FRMPD4: variants seen among roughly 807,000 people sequenced by gnomAD.
FRMPD4 encodes FERM and PDZ domain containing 4.
A neutral mutation model predicts 94.1 loss-of-function variants in FRMPD4; 22 were observed. The observed-to-expected ratio is 0.23, with a 90% CI of 0.17 to 0.33. The LOEUF is 0.33. Ranked by LOEUF, FRMPD4 falls within the 10% of genes least tolerant of loss-of-function variation. The probability of loss-of-function intolerance (pLI) is 1.00; values close to 1 mark genes in which losing one functional copy is unlikely to be tolerated. For missense variants in FRMPD4, 1,111 were observed against 1,339.9 expected, an observed-to-expected ratio of 0.83 and a Z score of 2.67; for synonymous variants, 631 against 548.6, an observed-to-expected ratio of 1.15 and a Z score of -2.10.
intron 1 of FRMPD4, among the ~76,000 whole-genome samples, chrX:12,438,331 G>A (rs1415531619): frequency 3.7e-5 from 4 of 109,195 alleles, no homozygotes; most frequent in Admixed American, 1.0e-4. Flanking sequence ...CTTGGGATTG[G>A]ATATAAAATT....
chrX:12,538,206 C>A (rs1406324668), intron 2 of FRMPD4, among the ~76,000 whole-genome samples: 1 of 111,524 alleles, frequency 9.0e-6, no homozygotes, highest in East Asian at 2.8e-4. Flanking sequence ...CAGAGGGTCC[C>A]ATGCCCACGG....
chrX:12,321,019 A>G (rs1212089299), intron 1 of FRMPD4, among the ~76,000 whole-genome samples: 1 of 112,302 alleles, frequency 8.9e-6, no homozygotes, highest in Non-Finnish European at 1.9e-5. Context: ...TTCTCTATAT[A>G]CTTTCTAAGG....
chrX:12,262,204 G>C (rs2147827983), intron 1 of FRMPD4, among the ~76,000 whole-genome samples: 1 of 111,988 alleles, frequency 8.9e-6, no homozygotes, highest in Admixed American at 9.4e-5. Context: ...CAGTGGCAGA[G>C]TCGAGTAGCT....
intron 1 of FRMPD4, among the ~76,000 whole-genome samples, chrX:12,265,911 G>A (rs1381509593): frequency 3.7e-5 from 4 of 109,078 alleles, no homozygotes; most frequent in Non-Finnish European, 7.6e-5. Context: ...GGCGGATCAC[G>A]AGGTCAGGAG....
intron 1 of FRMPD4, among the ~76,000 whole-genome samples, chrX:11,823,956 T>C (rs1323946258): frequency 1.8e-5 from 2 of 111,885 alleles, no homozygotes; most frequent in Admixed American, 9.5e-5. Flanking sequence ...CTACATATTT[T>C]ACCTAAGGGA....
rs1294859260 is a variant in FRMPD4 at position 12,253,917 on chromosome X, G to GT, written c.41+114915dup. Among the ~76,000 whole-genome samples, 348 of 107,476 alleles carry GT rather than the reference G, an allele frequency of 3.2e-3. 1 individual carries two copies. The highest frequency in any genetic ancestry group is 0.012 in the South Asian group (29 of 2,500). 93.3% of individuals were successfully genotyped at this position (107,476 alleles called of 115,157 possible). On this transcript the variant is annotated intron_variant, in intron 1 of 16. Coordinates refer to ENST00000675598, the MANE Select transcript of FRMPD4 (RefSeq NM_001368397.1). ...ATGAGATGTAAATAATGTTTGTTGG[G>GT]TTTTTTTTTTCCTTTTTCCTCTCTC... is the stretch of plus-strand genomic sequence containing the variant.
chrX:12,545,232 A>G (rs1470549854), intron 2 of FRMPD4, among the ~76,000 whole-genome samples: 5 of 88,154 alleles, frequency 5.7e-5, no homozygotes, highest in Non-Finnish European at 1.1e-4. Context: ...ACAAATTTGT[A>G]AACATTCTTT....
intron 3 of FRMPD4, among the ~76,000 whole-genome samples, chrX:12,067,121 C>T (rs1230533179): frequency 1.8e-5 from 2 of 110,002 alleles, no homozygotes; most frequent in Non-Finnish European, 3.8e-5. Context: ...CTGCCCACCT[C>T]GGCCTCCCAA....
In FRMPD4 at chrX:12,532,708, G is replaced by A. The variant is rs1022805496; in HGVS notation, c.158+33912G>A. On this transcript the variant is annotated intron_variant, in intron 2 of 16. Coordinates refer to ENST00000675598, the MANE Select transcript of FRMPD4 (RefSeq NM_001368397.1). ...GCCCAGTGGCTGTCAATAAGGGGAC[G>A]TTTTGCCCCACAGGACACACCTAAC... 4.5e-5 allele frequency among the ~76,000 whole-genome samples: 5 copies of A among 111,269 alleles called. No homozygotes were observed. In the East Asian group the frequency reaches 8.5e-4, roughly 19 times the overall value.
At position 12,147,957 on chromosome X, in the gene FRMPD4, A is replaced by T. The variant is rs556298382; in HGVS notation, c.41+8945A>T. Among the ~76,000 whole-genome samples the T allele has an allele frequency of 4.5e-4, 50 of 111,789 alleles. 1 individual carries two copies. In the South Asian group the frequency reaches 0.018, roughly 41 times the overall value. On this transcript the variant is annotated intron_variant, in intron 1 of 16. Coordinates refer to ENST00000675598, the MANE Select transcript of FRMPD4 (RefSeq NM_001368397.1). ...TATAAGATGGCAAACTTAATTGATA[A>T]ATGTTGTGTGTGTTCTGACTGCTGT...
intron 3 of FRMPD4, among the ~76,000 whole-genome samples, chrX:12,121,437 T>C (rs2147536141): frequency 8.9e-6 from 1 of 112,341 alleles, no homozygotes; most frequent in Non-Finnish European, 1.9e-5. Flanking sequence ...ATAGTAAATA[T>C]TGATAGATAT....
chrX:12,137,165 C>T (rs1418548335), upstream of FRMPD4, among the ~76,000 whole-genome samples: 5 of 111,994 alleles, frequency 4.5e-5, no homozygotes, highest in Admixed American at 9.4e-5. Flanking sequence ...TAACTGCGTT[C>T]ATGCAATTAA....
intron 1 of FRMPD4, among the ~76,000 whole-genome samples, chrX:12,415,255 A>C (rs750514054): frequency 3.6e-5 from 4 of 111,929 alleles, no homozygotes; most frequent in Non-Finnish European, 7.5e-5. Context: ...TCTTCGTTGT[A>C]AGTACAGCCC....
chrX:11,840,355 A>G (rs1601795587), intron 1 of FRMPD4, among the ~76,000 whole-genome samples: 1 of 110,954 alleles, frequency 9.0e-6, no homozygotes, highest in African/African-American at 3.3e-5. Flanking sequence ...TTTTAATTTC[A>G]TTTTTATTCA....
At chrX:12,436,381 C>A (rs1387995401) in intron 1 of FRMPD4, among the ~76,000 whole-genome samples, 2 of 110,767 alleles carry the variant, frequency 1.8e-5, no homozygotes, top group Admixed American at 1.9e-4. Context: ...TTTCATTAGA[C>A]TTTAACAGAG....
chrX:12,349,963 T>C (rs2055776632), intron 1 of FRMPD4, among the ~76,000 whole-genome samples: 1 of 111,571 alleles, frequency 9.0e-6, no homozygotes, highest in Non-Finnish European at 1.9e-5. Context: ...TAAAACATAA[T>C]ATAGCAAATT....
At chrX:12,518,563 C>T (rs1452571396) in intron 2 of FRMPD4, among the ~76,000 whole-genome samples, 2 of 111,413 alleles carry the variant, frequency 1.8e-5, no homozygotes, top group Non-Finnish European at 3.8e-5. Flanking sequence ...AAGGAAACTA[C>T]CTCAAAATAA....
At chrX:12,146,540 G>T (rs944695397) in intron 1 of FRMPD4, among the ~76,000 whole-genome samples, 1 of 111,079 alleles carries the variant, frequency 9.0e-6, no homozygotes, top group Non-Finnish European at 1.9e-5. Flanking sequence ...GTCCTAAAAA[G>T]TGCCACACCC....
chrX:12,255,623 GTTTGTT>G lies in FRMPD4; in HGVS notation c.41+116615_41+116620del, dbSNP rs1174106369. Among the ~76,000 whole-genome samples, 4 of 111,905 alleles carry G rather than the reference GTTTGTT, an allele frequency of 3.6e-5. No homozygotes were observed. The Admixed American group carries it at 3.8e-4, about 11-fold the overall frequency. The stretch of plus-strand genomic sequence containing the variant: ...ACAAATACAACATTATTCTACTTCT[GTTTGTT>G]TTTAAGTACTTTATATGTTTCAAAA... On this transcript the variant is annotated intron_variant, in intron 1 of 16. Transcript: ENST00000675598.
Sources: allele counts gnomAD v4.1 joint callset (sites outside exome capture counted in the v4.1 genomes callset), GRCh38; gene constraint gnomAD v4.1.1; transcripts MANE v1.5; gene names NCBI Gene and HGNC (gene_info 2026-07-23, HGNC 2026-07-21).